GFOD1: variants seen among roughly 807,000 people sequenced by gnomAD.
GFOD1 encodes Gfo/Idh/MocA-like oxidoreductase domain containing 1, also known as glucose-fructose oxidoreductase domain-containing protein 1.
In GFOD1, 9 loss-of-function variants were observed where a neutral mutation model predicts 25.4. The observed-to-expected ratio is 0.35, with a 90% CI of 0.21 to 0.62. The LOEUF (loss-of-function observed/expected upper bound fraction) is 0.62. Among genes scored for constraint, GFOD1 ranks in the 20% least tolerant of loss-of-function variants. The probability of loss-of-function intolerance (pLI) is 0.72; values close to 1 mark genes in which losing one functional copy is unlikely to be tolerated. For synonymous variants in GFOD1, 253 were observed against 245.6 expected (o/e 1.03, Z -0.28); for missense variants, 403 against 556.9 (o/e 0.72, Z 2.78).
At chr6:13,374,351 T>A (rs1258029732) in intron 1 of GFOD1, among the ~76,000 whole-genome samples, 1 of 150,864 alleles carries the variant, frequency 6.6e-6, no homozygotes, top group African/African-American at 2.4e-5. Context: ...TCGCCTAGGC[T>A]GGAGTGCAGT....
At chr6:13,378,351 A>C (rs1785295315) in intron 1 of GFOD1, among the ~76,000 whole-genome samples, 4 of 152,318 alleles carry the variant, frequency 2.6e-5, no homozygotes, top group African/African-American at 9.6e-5. Context: ...CTCCGCCCCC[A>C]GCAGACCCCA....
chr6:13,464,314 C>T (rs926152903), intron 1 of GFOD1, among the ~76,000 whole-genome samples: 3 of 152,198 alleles, frequency 2.0e-5, no homozygotes, highest in Admixed American at 2.0e-4. Context: ...GGGCAGAAGG[C>T]AGTGGGCAGG....
chr6:13,469,816 G>A (rs1043140531), intron 1 of GFOD1: 2 of 1,099,508 alleles, frequency 1.8e-6, no homozygotes, highest in Non-Finnish European at 2.4e-6. Flanking sequence ...AGATGGAGAT[G>A]CTAAATGTCC....
chr6:13,483,663 G>A (rs75710344), intron 1 of GFOD1, among the ~76,000 whole-genome samples: 4,154 of 152,210 alleles, frequency 0.027, 164 homozygotes, highest in African/African-American at 0.091. Flanking sequence ...AAACAGGTTT[G>A]GGAACCGATT....
At chr6:13,368,936 C>T (rs1466928072) in intron 1 of GFOD1, among the ~76,000 whole-genome samples, 1 of 152,228 alleles carries the variant, frequency 6.6e-6, no homozygotes, top group Non-Finnish European at 1.5e-5. Context: ...ATCTGAGACA[C>T]ACACATCCCT....
intron 1 of GFOD1, among the ~76,000 whole-genome samples, chr6:13,382,091 A>G (rs1785377350): frequency 6.6e-6 from 1 of 152,094 alleles, no homozygotes. Flanking sequence ...CTCAAGAGTC[A>G]AGGCCCAAGT....
intron 1 of GFOD1, chr6:13,469,135 G>A: frequency 1.9e-6 from 1 of 516,934 alleles, no homozygotes; most frequent in Non-Finnish European, 2.5e-6. Context: ...GAGTTGGCCT[G>A]TGTCTCCTAT....
chr6:13,480,067 CCT>C (rs1758713864), intron 1 of GFOD1, among the ~76,000 whole-genome samples: 1 of 152,200 alleles, frequency 6.6e-6, no homozygotes. Flanking sequence ...TGCTCCCTCA[CCT>C]CTGTTCCTGG....
rs1206381502 is a variant in GFOD1, at chr6:13,363,963, G to C, written c.*780C>G. ...CTTGCAGTTTTTTAATTGTTGACAA[G>C]TTCAAAGGGATATTTTATTCTCTGC... On this transcript the variant is annotated 3_prime_UTR_variant, in exon 2 of 2. Coordinates refer to ENST00000379287, the MANE Select transcript of GFOD1 (RefSeq NM_018988.4). 1 of 152,186 alleles carries C rather than the reference G, an allele frequency of 6.6e-6. No homozygotes were observed. Among genetic ancestry groups the C allele is most frequent in the East Asian group, 1.9e-4 (1 of 5,192 alleles). 9.4% of individuals were successfully genotyped at this position (152,186 alleles called of 1,614,324 possible). A position where few individuals can be genotyped will look rare whatever the true frequency, so the allele number is the denominator to read the frequency against.
intron 1 of GFOD1, among the ~76,000 whole-genome samples, chr6:13,484,978 G>A (rs758191625): frequency 1.3e-5 from 2 of 152,168 alleles, no homozygotes; most frequent in African/African-American, 4.8e-5. Context: ...CCATAAGATC[G>A]TTATAAGATA....
intron 1 of GFOD1, among the ~76,000 whole-genome samples, chr6:13,471,682 A>T (rs1273690406): frequency 6.6e-6 from 1 of 152,246 alleles, no homozygotes; most frequent in Non-Finnish European, 1.5e-5. Context: ...ACACATTCCC[A>T]GGAGAAAATG....
chr6:13,446,541 C>G (rs2127572996), intron 1 of GFOD1, among the ~76,000 whole-genome samples: 1 of 152,286 alleles, frequency 6.6e-6, no homozygotes, highest in East Asian at 1.9e-4. Flanking sequence ...GTCTGAGCAA[C>G]AGCCAAGGGA....
At chr6:13,418,152 T>A (rs187960549) in intron 1 of GFOD1, among the ~76,000 whole-genome samples, 1 of 152,248 alleles carries the variant, frequency 6.6e-6, no homozygotes, top group East Asian at 1.9e-4. Flanking sequence ...TGGACAAAGG[T>A]TGTCATTTTT....
At chr6:13,390,747 G>A (rs762136752) in intron 1 of GFOD1, among the ~76,000 whole-genome samples, 11 of 114,848 alleles carry the variant, frequency 9.6e-5, no homozygotes, top group Non-Finnish European at 1.8e-4. Context: ...AAGAAAGACA[G>A]GAAGAGAGAG....
At chr6:13,409,815 C>T (rs1245448218) in intron 1 of GFOD1, among the ~76,000 whole-genome samples, 1 of 151,276 alleles carries the variant, frequency 6.6e-6, no homozygotes, top group African/African-American at 2.4e-5. Flanking sequence ...CCAGCTACTC[C>T]AGGAGGCTGA....
intron 1 of GFOD1, among the ~76,000 whole-genome samples, chr6:13,390,772 A>AGG (rs1486327201): frequency 2.3e-5 from 2 of 85,492 alleles, no homozygotes; most frequent in Middle Eastern, 6.4e-3. Context: ...AGAGAGAGAG[A>AGG]GAGAGAGAAA....
intron 1 of GFOD1, among the ~76,000 whole-genome samples, chr6:13,472,214 C>T (rs1002915116): frequency 6.6e-6 from 1 of 152,148 alleles, no homozygotes; most frequent in Non-Finnish European, 1.5e-5. Context: ...CTGGGAGATA[C>T]AATTCAAGTT....
intron 1 of GFOD1, among the ~76,000 whole-genome samples, chr6:13,463,765 AT>A (rs1554205317): frequency 6.6e-6 from 1 of 152,128 alleles, no homozygotes; most frequent in African/African-American, 2.4e-5. Context: ...TTATCTGTAA[AT>A]TTTTTAACAC....
chr6:13,420,547 C>T (rs1341575421), intron 1 of GFOD1, among the ~76,000 whole-genome samples: 1 of 152,144 alleles, frequency 6.6e-6, no homozygotes, highest in Non-Finnish European at 1.5e-5. Flanking sequence ...ATCCCAGAGC[C>T]CTCCTGAAAA....
Sources: gnomAD v4.1 joint callset for allele counts (sites outside exome capture counted in the v4.1 genomes callset) on GRCh38, gnomAD v4.1.1 for gene constraint, MANE v1.5 for transcripts, NCBI Gene and HGNC (gene_info 2026-07-23, HGNC 2026-07-21) for gene names.